Variants in THRB observed in about 807,000 individuals in gnomAD.
THRB encodes thyroid hormone receptor beta, also known as nuclear receptor subfamily 1 group A member 2.
A neutral mutation model predicts 47.8 loss-of-function variants in THRB; 12 were observed. The observed-to-expected ratio is 0.25, with a 90% CI of 0.16 to 0.41. The LOEUF is 0.41. THRB is among the 10% of genes least tolerant of loss of function. The pLI is 1.00. For missense variants in THRB, 348 were observed against 589.2 expected, an observed-to-expected ratio of 0.59 and a Z score of 4.24; for synonymous variants, 218 against 212.2, an observed-to-expected ratio of 1.03 and a Z score of -0.24.
intron 4 of THRB, among the ~76,000 whole-genome samples, chr3:24,212,742 C>T (rs559572978): frequency 6.6e-6 from 1 of 152,080 alleles, no homozygotes; most frequent in African/African-American, 2.4e-5. Context: ...CCAGATAGTA[C>T]AGGGAGTGCT....
chr3:24,367,157 A>C (rs1033718201), intron 1 of THRB, among the ~76,000 whole-genome samples: 1 of 152,202 alleles, frequency 6.6e-6, no homozygotes, highest in East Asian at 1.9e-4. Flanking sequence ...CTTTCAGCAT[A>C]GGCTGGAAGC....
intron 8 of THRB, among the ~76,000 whole-genome samples, chr3:24,135,005 T>C (rs2148911332): frequency 6.6e-6 from 1 of 152,254 alleles, no homozygotes; most frequent in African/African-American, 2.4e-5. Flanking sequence ...TATCACTTGA[T>C]TTCTGGGCCC....
chr3:24,415,281 C>G (rs2068644385), intron 1 of THRB, among the ~76,000 whole-genome samples: 1 of 151,872 alleles, frequency 6.6e-6, no homozygotes, highest in Non-Finnish European at 1.5e-5. Context: ...ACTCCAGCTA[C>G]TGCTATTGCT....
chr3:24,220,327 C>CA (rs959786235), intron 4 of THRB, among the ~76,000 whole-genome samples: 2 of 151,908 alleles, frequency 1.3e-5, no homozygotes, highest in African/African-American at 4.8e-5. Context: ...CCCATCTCTA[C>CA]AAAAAATACA....
intron 3 of THRB, among the ~76,000 whole-genome samples, chr3:24,278,475 G>A (rs1346908789): frequency 6.6e-6 from 1 of 152,138 alleles, no homozygotes; most frequent in Admixed American, 6.5e-5. Context: ...GCTCTGCTCA[G>A]CATCTCCAGG....
intron 1 of THRB, among the ~76,000 whole-genome samples, chr3:24,389,201 A>T (rs918091607): frequency 6.6e-6 from 1 of 152,122 alleles, no homozygotes; most frequent in Non-Finnish European, 1.5e-5. Flanking sequence ...CAGGGGTAGT[A>T]AGTAGCTCAT....
intron 4 of THRB, among the ~76,000 whole-genome samples, chr3:24,221,004 A>G (rs888427878): frequency 6.6e-6 from 1 of 152,206 alleles, no homozygotes; most frequent in Non-Finnish European, 1.5e-5. Context: ...CAGAACCAAG[A>G]CAAGAAAGCA....
intron 5 of THRB, among the ~76,000 whole-genome samples, chr3:24,183,538 T>A (rs567010802): frequency 2.0e-5 from 3 of 151,764 alleles, no homozygotes; most frequent in Admixed American, 2.0e-4. Flanking sequence ...CAGCTAATTT[T>A]TTTTTGTATT....
chr3:24,477,332 T>C (rs1327791712), intron 1 of THRB, among the ~76,000 whole-genome samples: 1 of 152,172 alleles, frequency 6.6e-6, no homozygotes, highest in African/African-American at 2.4e-5. Flanking sequence ...TTAATCCTTT[T>C]ATAGTTTGTT....
intron 1 of THRB, among the ~76,000 whole-genome samples, chr3:24,442,413 C>T (rs2071617102): frequency 6.6e-6 from 1 of 152,142 alleles, no homozygotes; most frequent in African/African-American, 2.4e-5. Flanking sequence ...CAACAGTTCG[C>T]AGTCTTGGAA....
intron 1 of THRB, among the ~76,000 whole-genome samples, chr3:24,441,259 T>A (rs1024071291): frequency 1.3e-5 from 2 of 152,076 alleles, no homozygotes; most frequent in African/African-American, 4.8e-5. Flanking sequence ...AGTAAAGCAG[T>A]CAAGGGCGTG....
chr3:24,387,051 C>G (rs2066177905), intron 1 of THRB, among the ~76,000 whole-genome samples: 1 of 152,142 alleles, frequency 6.6e-6, no homozygotes. Context: ...CTCTTATCCT[C>G]TCTCCAGCAT....
At chr3:24,418,833 G>A (rs139418450) in intron 1 of THRB, among the ~76,000 whole-genome samples, 2 of 152,050 alleles carry the variant, frequency 1.3e-5, no homozygotes, top group East Asian at 2.0e-4. Context: ...GCTAACTTTT[G>A]GGACTACATT....
At chr3:24,217,467 A>G (rs1575992649) in intron 4 of THRB, among the ~76,000 whole-genome samples, 1 of 152,278 alleles carries the variant, frequency 6.6e-6, no homozygotes, top group African/African-American at 2.4e-5. Context: ...GAATGCTATT[A>G]CTTCATAAAA....
At chr3:24,276,499 C>T (rs1039721159) in intron 3 of THRB, among the ~76,000 whole-genome samples, 2 of 152,184 alleles carry the variant, frequency 1.3e-5, no homozygotes, top group Non-Finnish European at 2.9e-5. Context: ...TACAAATCTA[C>T]ATTTTGTTAT....
chr3:24,251,478 C>T (rs1206875051), intron 3 of THRB, among the ~76,000 whole-genome samples: 1 of 151,850 alleles, frequency 6.6e-6, no homozygotes, highest in East Asian at 1.9e-4. Context: ...GGAGAAATAA[C>T]AAATTCACAA....
At chr3:24,134,770 T>C (rs13101197) in intron 8 of THRB, among the ~76,000 whole-genome samples, 3 of 152,244 alleles carry the variant, frequency 2.0e-5, no homozygotes, top group African/African-American at 7.2e-5. Context: ...TACCCAGTGG[T>C]GGCCACCTTT....
intron 3 of THRB, among the ~76,000 whole-genome samples, chr3:24,231,587 T>C (rs1339810152): frequency 1.3e-5 from 2 of 152,142 alleles, no homozygotes; most frequent in Non-Finnish European, 2.9e-5. Flanking sequence ...TTTACTGTAG[T>C]ATTTTGGTAT....
intron 1 of THRB, among the ~76,000 whole-genome samples, chr3:24,438,471 T>C (rs1285340887): frequency 2.6e-5 from 4 of 151,490 alleles, no homozygotes; most frequent in Non-Finnish European, 1.5e-5. Flanking sequence ...TCCATAAGAG[T>C]CATGTAGTAA....
Sources: gnomAD v4.1 joint callset for allele counts (sites outside exome capture counted in the v4.1 genomes callset) on GRCh38, gnomAD v4.1.1 for gene constraint, MANE v1.5 for transcripts, NCBI Gene and HGNC (gene_info 2026-07-23, HGNC 2026-07-21) for gene names.